The following DPP10 variants were observed in gnomAD, a reference collection of about 807,000 sequenced individuals.
The protein encoded by DPP10 is dipeptidyl peptidase like 10, also known as inactive dipeptidyl peptidase 10.
DPP10 carries 33 observed loss-of-function variants against 120.9 expected under a neutral mutation model. The ratio of observed to expected loss-of-function variants is 0.27; its 90% CI spans 0.21 to 0.37. DPP10 has a LOEUF of 0.37. DPP10 is among the 10% of genes least tolerant of loss of function. The pLI is 1.00. For synonymous variants in DPP10, 337 were observed against 326.1 expected (o/e 1.03, Z -0.36); for missense variants, 816 against 942.8 (o/e 0.87, Z 1.76).
intron 1 of DPP10, among the ~76,000 whole-genome samples, chr2:114,778,384 T>C (rs1235831975): frequency 6.6e-6 from 1 of 152,186 alleles, no homozygotes; most frequent in Non-Finnish European, 1.5e-5. Context: ...TATTCAAAAA[T>C]ATCTATTAGT....
chr2:115,038,162 G>A (rs1704357533), intron 1 of DPP10, among the ~76,000 whole-genome samples: 1 of 152,066 alleles, frequency 6.6e-6, no homozygotes, highest in Admixed American at 6.5e-5. Flanking sequence ...CAATGAATAT[G>A]AATTGATACA....
chr2:114,551,099 C>A (rs947411563), intron 1 of DPP10, among the ~76,000 whole-genome samples: 10 of 152,176 alleles, frequency 6.6e-5, no homozygotes, highest in South Asian at 4.1e-4. Flanking sequence ...CCACTACACT[C>A]ATTTTTTTCT....
chr2:114,777,819 T>A (rs1681899464), intron 1 of DPP10, among the ~76,000 whole-genome samples: 1 of 152,100 alleles, frequency 6.6e-6, no homozygotes, highest in African/African-American at 2.4e-5. Context: ...AGAACCAAGA[T>A]GCTTTATAGT....
At chr2:115,702,011 G>T (rs2149535639) in intron 7 of DPP10, among the ~76,000 whole-genome samples, 1 of 152,080 alleles carries the variant, frequency 6.6e-6, no homozygotes, top group Non-Finnish European at 1.5e-5. Flanking sequence ...AACATTTCAT[G>T]CCTATATAAT....
At chr2:114,596,358 G>C (rs1401534926) in intron 1 of DPP10, among the ~76,000 whole-genome samples, 1 of 151,722 alleles carries the variant, frequency 6.6e-6, no homozygotes, top group East Asian at 1.9e-4. Flanking sequence ...TTCACCCTCT[G>C]ATGTCTAAAG....
At chr2:115,302,598 A>G (rs980423894) in intron 1 of DPP10, among the ~76,000 whole-genome samples, 3 of 151,952 alleles carry the variant, frequency 2.0e-5, no homozygotes, top group African/African-American at 7.2e-5. Context: ...CTATCTCAAA[A>G]ACAAAAACAA....
intron 1 of DPP10, among the ~76,000 whole-genome samples, chr2:114,948,161 G>A (rs1353702284): frequency 6.6e-6 from 1 of 151,778 alleles, no homozygotes; most frequent in Non-Finnish European, 1.5e-5. Flanking sequence ...CATTCTGGGA[G>A]CGTGCTTTGA....
At chr2:114,874,196 C>T (rs1041835650) in intron 1 of DPP10, among the ~76,000 whole-genome samples, 3 of 152,172 alleles carry the variant, frequency 2.0e-5, no homozygotes, top group South Asian at 2.1e-4. Flanking sequence ...TTCCCAACCA[C>T]AGAACACCCC....
intron 5 of DPP10, among the ~76,000 whole-genome samples, chr2:115,619,011 C>G (rs1230755439): frequency 7.3e-6 from 1 of 137,200 alleles, no homozygotes; most frequent in East Asian, 2.0e-4. Context: ...AACTTCAGCT[C>G]AGATAAAACA....
At chr2:114,735,001 C>A (rs768281260) in intron 1 of DPP10, among the ~76,000 whole-genome samples, 1 of 152,156 alleles carries the variant, frequency 6.6e-6, no homozygotes, top group Non-Finnish European at 1.5e-5. Context: ...GCCCTTTTCT[C>A]TGTATGTATT....
At chr2:114,738,949 C>G (rs1173008312) in intron 1 of DPP10, among the ~76,000 whole-genome samples, 1 of 152,142 alleles carries the variant, frequency 6.6e-6, no homozygotes, top group Non-Finnish European at 1.5e-5. Context: ...TGAAATGTCT[C>G]CCCTATCCTA....
intron 3 of DPP10, among the ~76,000 whole-genome samples, chr2:115,430,378 C>T (rs1421149351): frequency 6.6e-6 from 1 of 152,004 alleles, no homozygotes; most frequent in Non-Finnish European, 1.5e-5. Context: ...CATAATGTAA[C>T]ATTATGAAGC....
At chr2:115,762,499 T>C in intron 11 of DPP10, 73 bp from the exon 12 acceptor site, 5 of 1,554,872 alleles carry the variant, frequency 3.2e-6, no homozygotes, top group Non-Finnish European at 4.4e-6. Flanking sequence ...ATAACCGTGT[T>C]TTAAAAAAGT....
chr2:115,021,233 G>T (rs190827699), intron 1 of DPP10, among the ~76,000 whole-genome samples: 2 of 151,918 alleles, frequency 1.3e-5, no homozygotes, highest in Non-Finnish European at 2.9e-5. Context: ...ACAAAATCTC[G>T]TTCTTTGAAA....
rs574334920 is a variant in DPP10, at chr2:115,635,271, G to A, written c.442-54416G>A. 4.6e-5 allele frequency among the ~76,000 whole-genome samples: 7 copies of A among 152,274 alleles called. No homozygotes were observed. The South Asian group carries it at 8.3e-4, about 18-fold the overall frequency. On this transcript the variant is annotated intron_variant, in intron 5 of 25. Coordinates refer to ENST00000410059, the MANE Select transcript of DPP10 (RefSeq NM_020868.6). ...CGGTAGTCTTAGGCAGTCTCCAGCC[G>A]AGTAGCCGCTGAGAATCTGCACAAC...
At chr2:114,622,309 G>C (rs1419436427) in intron 1 of DPP10, among the ~76,000 whole-genome samples, 3 of 151,882 alleles carry the variant, frequency 2.0e-5, no homozygotes, top group East Asian at 1.9e-4. Flanking sequence ...TCAAAAGAAA[G>C]TATTGACTGT....
At chr2:115,598,840 T>G (rs983231412) in intron 5 of DPP10, among the ~76,000 whole-genome samples, 1 of 151,366 alleles carries the variant, frequency 6.6e-6, no homozygotes, top group African/African-American at 2.4e-5. Flanking sequence ...AATAACATGT[T>G]TTTTGGAGTG....
At chr2:115,725,528 A>T (rs1052229689) in intron 7 of DPP10, among the ~76,000 whole-genome samples, 1 of 152,194 alleles carries the variant, frequency 6.6e-6, no homozygotes, top group Non-Finnish European at 1.5e-5. Flanking sequence ...TTTCATATGG[A>T]TTCTGAGTAT....
chr2:115,228,695 A>T (rs1481672841), intron 1 of DPP10, among the ~76,000 whole-genome samples: 2 of 152,190 alleles, frequency 1.3e-5, no homozygotes, highest in East Asian at 3.9e-4. Context: ...ATGTTGTTGC[A>T]AATGACAGGA....
Sources: gnomAD v4.1 joint callset for allele counts (sites outside exome capture counted in the v4.1 genomes callset) on GRCh38, gnomAD v4.1.1 for gene constraint, MANE v1.5 for transcripts, NCBI Gene and HGNC (gene_info 2026-07-23, HGNC 2026-07-21) for gene names.